Variants in ZNRF1 observed in about 807,000 individuals in gnomAD.
ZNRF1 encodes E3 ubiquitin-protein ligase ZNRF1.
A neutral mutation model predicts 18.4 loss-of-function variants in ZNRF1; 3 were observed. The observed-to-expected ratio is 0.16, with a 90% CI of 0.07 to 0.42. The LOEUF is 0.42. ZNRF1 is among the 10% of genes least tolerant of loss of function. The pLI is 0.99. For missense variants in ZNRF1, 310 were observed against 329.8 expected, an observed-to-expected ratio of 0.94 and a Z score of 0.47; for synonymous variants, 157 against 144.2, an observed-to-expected ratio of 1.09 and a Z score of -0.64.
intron 1 of ZNRF1, chr16:75,000,435 C>T (rs1434177445): frequency 2.1e-6 from 1 of 477,906 alleles, no homozygotes; most frequent in South Asian, 1.7e-5. Flanking sequence ...TCCATTCTGC[C>T]ACTGCAGCAC....
chr16:75,020,197 CT>C (rs1471122717), intron 1 of ZNRF1, among the ~76,000 whole-genome samples: 1 of 152,038 alleles, frequency 6.6e-6, no homozygotes, highest in Non-Finnish European at 1.5e-5. Context: ...TTCTCATGGT[CT>C]TTTTTTGTCT....
At chr16:75,100,241 T>TAA (rs969252659) in intron 2 of ZNRF1, among the ~76,000 whole-genome samples, 2 of 152,158 alleles carry the variant, frequency 1.3e-5, no homozygotes, top group African/African-American at 4.8e-5. Context: ...GGCCAGCTGG[T>TAA]AAAGGCACAA....
chr16:75,078,541 C>T (rs761219031), intron 1 of ZNRF1, among the ~76,000 whole-genome samples: 38 of 152,260 alleles, frequency 2.5e-4, no homozygotes, highest in Middle Eastern at 3.4e-3. Flanking sequence ...TCATGTGATC[C>T]ACCAGCCTCT....
rs1034903724 is a variant in ZNRF1, at chr16:75,057,468, G to C, written c.425-36104G>C. ...CTTAGCCAGGGGCTTGGCCTGTTTG[G>C]TGTAGCAGAGTGACCAGATTCATTC... On this transcript the variant is annotated intron_variant, in intron 1 of 4. Transcript: ENST00000335325. 3.9e-5 allele frequency among the ~76,000 whole-genome samples: 6 copies of C among 152,234 alleles called. No individual in the cohort carries two copies. The South Asian group carries it at 1.2e-3, about 32-fold the overall frequency.
At chr16:75,057,175 C>T (rs943238266) in intron 1 of ZNRF1, among the ~76,000 whole-genome samples, 4 of 152,194 alleles carry the variant, frequency 2.6e-5, no homozygotes, top group African/African-American at 9.7e-5. Context: ...ATACCCCCAC[C>T]CTGCCGTCCT....
intron 2 of ZNRF1, among the ~76,000 whole-genome samples, chr16:75,093,971 A>T (rs2036169995): frequency 6.6e-6 from 1 of 152,152 alleles, no homozygotes; most frequent in Non-Finnish European, 1.5e-5. Context: ...TTTGGCTGGG[A>T]GATGCAGCCT....
At chr16:75,100,176 A>G (rs2036239844) in intron 2 of ZNRF1, among the ~76,000 whole-genome samples, 2 of 152,320 alleles carry the variant, frequency 1.3e-5, no homozygotes, top group African/African-American at 4.8e-5. Context: ...GCCGTGTGCC[A>G]GCCTGGTTGG....
At chr16:75,000,127 G>T (rs1397542202) in intron 1 of ZNRF1, 32 bp downstream of exon 1, 1 of 1,581,830 alleles carries the variant, frequency 6.3e-7, no homozygotes, top group Non-Finnish European at 8.6e-7. Context: ...GCCTCGGAGG[G>T]AGGGCGCGCC....
intron 1 of ZNRF1, among the ~76,000 whole-genome samples, chr16:75,010,279 G>C (rs1000641141): frequency 1.3e-5 from 2 of 152,078 alleles, no homozygotes; most frequent in African/African-American, 2.4e-5. Flanking sequence ...CACCACACCC[G>C]GCCTGGGTTG....
chr16:75,057,701 C>T (rs2000757), intron 1 of ZNRF1, among the ~76,000 whole-genome samples: 150,310 of 152,338 alleles, frequency 0.99, 74,187 homozygotes, highest in South Asian at 1. Context: ...AGTGGCACAA[C>T]CTCAGCTTAC....
intron 1 of ZNRF1, among the ~76,000 whole-genome samples, chr16:75,086,750 G>A (rs529493520): frequency 2.3e-4 from 35 of 152,200 alleles, no homozygotes; most frequent in Non-Finnish European, 2.4e-4. Flanking sequence ...AATGCTAAGG[G>A]CAAAGTCAAG....
intron 1 of ZNRF1, among the ~76,000 whole-genome samples, chr16:75,029,444 G>A (rs975535729): frequency 6.6e-6 from 1 of 151,960 alleles, no homozygotes; most frequent in Non-Finnish European, 1.5e-5. Context: ...CACCACGCCC[G>A]GCTGACCTTT....
intron 1 of ZNRF1, among the ~76,000 whole-genome samples, chr16:75,025,234 A>T (rs1481806576): frequency 1.3e-5 from 2 of 151,708 alleles, no homozygotes; most frequent in African/African-American, 4.8e-5. Flanking sequence ...CACCCGGCTA[A>T]TTTTTTTGTA....
chr16:75,038,257 TAGTC>T (rs1173013050), intron 1 of ZNRF1, among the ~76,000 whole-genome samples: 1 of 152,226 alleles, frequency 6.6e-6, no homozygotes, highest in East Asian at 1.9e-4. Flanking sequence ...CATGACATTG[TAGTC>T]AGTGACTGGA....
At chr16:75,032,104 G>GTTTT (rs1162819265) in intron 1 of ZNRF1, among the ~76,000 whole-genome samples, 56 of 108,654 alleles carry the variant, frequency 5.2e-4, no homozygotes, top group African/African-American at 6.8e-4. Context: ...TTCTTGTGAG[G>GTTTT]TTTTTTTTTT....
intron 1 of ZNRF1, among the ~76,000 whole-genome samples, chr16:75,021,660 A>C (rs927708936): frequency 6.6e-6 from 1 of 152,132 alleles, no homozygotes; most frequent in Admixed American, 6.6e-5. Context: ...ATTGTGTTTC[A>C]TTATCTTCTA....
At chr16:75,057,608 C>G (rs1555512267) in intron 1 of ZNRF1, among the ~76,000 whole-genome samples, 1 of 152,114 alleles carries the variant, frequency 6.6e-6, no homozygotes, top group Non-Finnish European at 1.5e-5. Context: ...GGAATTGGTT[C>G]TTTCCTTCTG....
At chr16:75,015,219 A>G (rs1048540641) in intron 1 of ZNRF1, among the ~76,000 whole-genome samples, 3 of 152,222 alleles carry the variant, frequency 2.0e-5, no homozygotes, top group Non-Finnish European at 4.4e-5. Context: ...TATTTACCTG[A>G]GGTCATAAAG....
chr16:75,051,545 T>A (rs2035605845), intron 1 of ZNRF1, among the ~76,000 whole-genome samples: 1 of 145,562 alleles, frequency 6.9e-6, no homozygotes, highest in African/African-American at 2.6e-5. Flanking sequence ...GGGGACGGAG[T>A]CTTGCTGTGT....
Sources: allele counts gnomAD v4.1 joint callset (sites outside exome capture counted in the v4.1 genomes callset), GRCh38; gene constraint gnomAD v4.1.1; transcripts MANE v1.5; gene names NCBI Gene and HGNC (gene_info 2026-07-23, HGNC 2026-07-21).